Variants in AP3B2 observed in about 807,000 individuals in gnomAD.
The protein encoded by AP3B2 is AP-3 complex subunit beta-2.
Under a neutral mutation model 126.9 loss-of-function variants are expected in AP3B2, and 50 were observed. The ratio of observed to expected loss-of-function variants is 0.39; its 90% CI spans 0.31 to 0.50. The LOEUF is 0.50. AP3B2 is among the 20% of genes least tolerant of loss of function. AP3B2 has a pLI of 0.79. For synonymous variants in AP3B2, 541 were observed against 565.0 expected (o/e 0.96, Z 0.60); for missense variants, 1,177 against 1,426.4 (o/e 0.83, Z 2.82).
intron 4 of AP3B2, chr15:82,686,275 A>G (rs2048425026): frequency 6.6e-6 from 1 of 152,260 alleles, no homozygotes; most frequent in African/African-American, 2.4e-5. Flanking sequence ...GTTTGATTCC[A>G]TGAGGGATCT....
rs2048022093 is a variant in AP3B2 at position 82,664,781 on chromosome 15, TCA to T, written c.2137+52_2137+53del. On this transcript the variant is annotated intron_variant, in intron 18 of 26. Coordinates refer to ENST00000535359, the MANE Select transcript of AP3B2 (RefSeq NM_001278512.2). The surrounding 1 kb of genome is among the most constrained non-coding windows in gnomAD (Gnocchi z 4.5). ...ATACATATACCCCTCATATAGTCAGTCACACAGATGCATGGGCAGAGCACAGA... is the reference window on the plus strand; with the variant it reads ...ATACATATACCCCTCATATAGTCAGTCACAGATGCATGGGCAGAGCACAGA... 3 of 1,366,116 alleles carry T rather than the reference TCA, an allele frequency of 2.2e-6. No individual in the cohort carries two copies. Among genetic ancestry groups the T allele is most frequent in the Admixed American group, 4.0e-5 (2 of 50,402 alleles). 84.6% of individuals were successfully genotyped at this position (1,366,116 alleles called of 1,614,324 possible).
At position 82,664,285 on chromosome 15, in the gene AP3B2, G is replaced by A. The variant is rs139829365; in HGVS notation, c.2261+82C>T. 4.2e-5 allele frequency: 67 copies of A among 1,601,236 alleles called. No homozygotes were observed. The highest frequency in any genetic ancestry group is 3.8e-4 in the Middle Eastern group (2 of 5,248). ...ACGAGGGGCTCAGGGGCTCTTAGGAGACTGGCTAAAGCTCAATGCTAGCCC... is the reference window on the plus strand; with the variant it reads ...ACGAGGGGCTCAGGGGCTCTTAGGAAACTGGCTAAAGCTCAATGCTAGCCC... On this transcript the variant is annotated intron_variant, in intron 19 of 26. Transcript: ENST00000535359. This position sits in a 1 kb window ranked among gnomAD's most constrained non-coding sequence, Gnocchi z 4.5.
intron 25 of AP3B2, among the ~76,000 whole-genome samples, chr15:82,661,344 A>AT (rs1373228213): frequency 2.0e-5 from 3 of 152,140 alleles, no homozygotes; most frequent in African/African-American, 7.2e-5. Context: ...AAAACTAACC[A>AT]TGATCTTCCC....
Position 82,659,900 on chromosome 15 carries a change from C to G in AP3B2, c.3100G>C (p.Val1034Leu). The G allele has an allele frequency of 6.2e-7, 1 of 1,614,006 alleles. No homozygotes were observed. Among genetic ancestry groups the G allele is most frequent in the Non-Finnish European group, 8.5e-7 (1 of 1,179,896 alleles). ...CGACCCAGGTTGGCAGTGGCAGTCA[C>G]TTTCTGCACCACAATGTGGTCACTC... The part of the protein sequence containing the change: ...CRSDHIVVQK[V>L]TATANLGRVP... Residue 1034 changes from valine to leucine, a missense_variant, in exon 26 of 27, where the codon GTG becomes CTG. This residue lies in a region of AP3B2 where 587 missense variants were observed against 571.3 expected (regional missense o/e 1.03). Coordinates refer to ENST00000535359, the MANE Select transcript of AP3B2 (RefSeq NM_001278512.2).
Position 82,681,684 on chromosome 15 carries a change from G to T in AP3B2, c.361-104C>A. On this transcript the variant is annotated intron_variant, in intron 4 of 26. Coordinates refer to ENST00000535359, the MANE Select transcript of AP3B2 (RefSeq NM_001278512.2). The surrounding 1 kb of genome is among the most constrained non-coding windows in gnomAD (Gnocchi z 4.0). ...CTGTCCCCAGCGACCACTAGCTCTTGCTTCCCTGCCGCTTGACTGGAGCCT... is the reference window on the plus strand; with the variant it reads ...CTGTCCCCAGCGACCACTAGCTCTTTCTTCCCTGCCGCTTGACTGGAGCCT... 7.9e-7 allele frequency: 1 copy of T among 1,264,886 alleles called. No individual in the cohort carries two copies. Among genetic ancestry groups the T allele is most frequent in the Non-Finnish European group, 1.1e-6 (1 of 920,932 alleles). The allele number at this position is 1,264,886 out of a possible 1,614,324, so 78.4% of individuals were successfully genotyped here. A position where few individuals can be genotyped will look rare whatever the true frequency, so the allele number is the denominator to read the frequency against.
At chr15:82,682,721 C>CA (rs1004169245) in intron 4 of AP3B2, among the ~76,000 whole-genome samples, 1,596 of 114,868 alleles carry the variant, frequency 0.014, 14 homozygotes, top group Middle Eastern at 0.052. Flanking sequence ...ATCCTATCTC[C>CA]AAAAAAAAAA....
chr15:82,667,015 C>G, intron 14 of AP3B2, 82 bp from the exon 15 acceptor site: 1 of 1,419,400 alleles, frequency 7.0e-7, no homozygotes, highest in East Asian at 2.3e-5. Flanking sequence ...TAAGCCGACA[C>G]TTTCAGGCAG....
At chr15:82,700,396 G>GGTTTTTTTTTTTTTTTTTT (rs1567275643) in intron 1 of AP3B2, among the ~76,000 whole-genome samples, 1 of 11,268 alleles carries the variant, frequency 8.9e-5, no homozygotes, top group South Asian at 8.6e-3. Flanking sequence ...GTGGTGGGTG[G>GGTTTTTTTTTTTTTTTTTT]CTTTTTTTTT....
At chr15:82,671,829 C>T (rs796960317) in intron 14 of AP3B2, among the ~76,000 whole-genome samples, 6 of 150,966 alleles carry the variant, frequency 4.0e-5, no homozygotes, top group East Asian at 2.0e-4. Context: ...AGATCACTTG[C>T]GGCCAGGAGT....
At position 82,690,978 on chromosome 15, in the gene AP3B2, C is replaced by A. The variant is rs922160714; in HGVS notation, c.114-1525G>T. ...TACAGGCATGAGCCACCGCACCCAG[C>A]CATGCCACATGTTCTTAATCCAGTC... On this transcript the variant is annotated intron_variant, in intron 1 of 26. Transcript: ENST00000535359. 7.3e-5 allele frequency among the ~76,000 whole-genome samples: 7 copies of A among 96,186 alleles called. No homozygotes were observed. The South Asian group carries it at 1.3e-3, about 18-fold the overall frequency. 63.1% of individuals were successfully genotyped at this position (96,186 alleles called of 152,430 possible).
chr15:82,676,721 C>G, intron 13 of AP3B2, 84 bp from the exon 14 acceptor site: 1 of 1,381,900 alleles, frequency 7.2e-7, no homozygotes, highest in South Asian at 1.3e-5. Flanking sequence ...AAACAGCACT[C>G]CTCATCTGTG....
At chr15:82,666,124 C>A (rs982289405) in intron 15 of AP3B2, among the ~76,000 whole-genome samples, 5 of 152,370 alleles carry the variant, frequency 3.3e-5, no homozygotes, top group Admixed American at 2.6e-4. Context: ...CCCAGAAGAA[C>A]TGAGCTTTGT....
At chr15:82,698,260 T>A (rs982376594) in intron 1 of AP3B2, among the ~76,000 whole-genome samples, 3 of 151,240 alleles carry the variant, frequency 2.0e-5, no homozygotes, top group Non-Finnish European at 4.4e-5. Context: ...CTCCCCCACA[T>A]ACAGACACCT....
intron 1 of AP3B2, among the ~76,000 whole-genome samples, chr15:82,706,240 G>GC (rs2048793862): frequency 1.3e-5 from 2 of 151,980 alleles, no homozygotes; most frequent in African/African-American, 4.8e-5. Context: ...TATACTTTCT[G>GC]CCCCCCTCCA....
Position 82,689,158 on chromosome 15 carries a change from C to T in AP3B2, c.264G>A (p.Glu88=), listed in dbSNP as rs1489680592. Residue 88 remains glutamate (E), a splice_region_variant and synonymous_variant, in exon 3 of 27, where the codon GAG becomes GAA. Coordinates refer to ENST00000535359, the MANE Select transcript of AP3B2 (RefSeq NM_001278512.2). ...CAATCCCTCACCAGGTAGTGCTCAC[C>T]TCTATGTTCTTACAGGCCACGTTCT... ...VVKNVACKNI[E]VKKLVYVYLV... is the part of the protein sequence containing the mutation. 1.2e-6 allele frequency: 2 copies of T among 1,613,892 alleles called. No homozygotes were observed. The highest frequency in any genetic ancestry group is 1.3e-5 in the African/African-American group (1 of 74,942).
chr15:82,669,690 C>CA lies in AP3B2; in HGVS notation c.1666-2758dup, dbSNP rs144283693. Among the ~76,000 whole-genome samples the CA allele has an allele frequency of 1.9e-3, 246 of 130,884 alleles. 2 individuals are homozygous for CA. The highest frequency in any genetic ancestry group is 0.011 in the South Asian group (43 of 3,930). 85.9% of individuals were successfully genotyped at this position (130,884 alleles called of 152,430 possible). A position where few individuals can be genotyped will look rare whatever the true frequency, so the allele number is the denominator to read the frequency against. ...CTGGTGACAGAGCAAGACTCCGTTTCAAAAAAAAAAAAAATCAGTAGCATT... is the reference window on the plus strand; with the variant it reads ...CTGGTGACAGAGCAAGACTCCGTTTCAAAAAAAAAAAAAAATCAGTAGCATT... On this transcript the variant is annotated intron_variant, in intron 14 of 26. Transcript: ENST00000535359.
At chr15:82,679,930 AGTCTTC>A in intron 9 of AP3B2, 130 bp from the exon 10 acceptor site, 1 of 946,874 alleles carries the variant, frequency 1.1e-6, no homozygotes, top group South Asian at 1.5e-5. Flanking sequence ...CCACTCCTCA[AGTCTTC>A]CCTCGTCCAT....
chr15:82,690,944 C>CGCTGGGATTACAGGCATGAGCCAT (rs1567271288), intron 1 of AP3B2, among the ~76,000 whole-genome samples: 6 of 152,132 alleles, frequency 3.9e-5, no homozygotes, highest in East Asian at 1.9e-4. Flanking sequence ...GCATGAGCCA[C>CGCTGGGATTACAGGCATGAGCCAT]GCTGGGATTA....
chr15:82,680,831 A>C lies in AP3B2; in HGVS notation c.771+6T>G. On this transcript the variant is annotated splice_donor_region_variant and intron_variant, in intron 7 of 26. Coordinates refer to ENST00000535359, the MANE Select transcript of AP3B2 (RefSeq NM_001278512.2). This position sits in a 1 kb window ranked among gnomAD's most constrained non-coding sequence, Gnocchi z 6.1. ...GGCCCGCTCTGCCTGGGCTGGGCCC[A>C]CTTACGTTCTGGGTGGGGCTCAGGA... 9 of 1,613,142 alleles carry C rather than the reference A, an allele frequency of 5.6e-6. No individual in the cohort carries two copies. The highest frequency in any genetic ancestry group is 7.6e-6 in the Non-Finnish European group (9 of 1,179,578).
Sources: gnomAD v4.1 joint callset for allele counts (sites outside exome capture counted in the v4.1 genomes callset) on GRCh38, gnomAD v4.1.1 for gene constraint, gnomAD v4.1.1 regional missense constraint, Gnocchi (gnomAD v3.1) non-coding constraint, MANE v1.5 for transcripts, NCBI Gene and HGNC (gene_info 2026-07-23, HGNC 2026-07-21) for gene names.